SEC31B: variants seen among roughly 807,000 people sequenced by gnomAD.
SEC31B encodes SEC31 homolog B, COPII component.
Under a neutral mutation model 135.0 loss-of-function variants are expected in SEC31B, and 113 were observed. The ratio of observed to expected loss-of-function variants is 0.84; its 90% CI spans 0.72 to 0.98. The LOEUF (loss-of-function observed/expected upper bound fraction) is 0.98. Ranked by LOEUF, SEC31B falls within the 50% of genes least tolerant of loss-of-function variation. The pLI is 0.00. For missense variants in SEC31B, 1,296 were observed against 1,421.1 expected (o/e 0.91, Z 1.42); for synonymous variants, 508 against 549.4 (o/e 0.92, Z 1.05).
At chr10:100,493,525 T>A (rs72838538) in intron 19 of SEC31B, among the ~76,000 whole-genome samples, 4,291 of 152,290 alleles carry the variant, frequency 0.028, 129 homozygotes, top group Non-Finnish European at 0.04. Flanking sequence ...GGATACATAT[T>A]GCCATGATTC....
In SEC31B at chr10:100,499,518, G is replaced by A. The variant is rs1232978644; in HGVS notation, c.1485+6C>T. On this transcript the variant is annotated splice_donor_region_variant and intron_variant, in intron 12 of 25. Coordinates refer to ENST00000370345, the MANE Select transcript of SEC31B (RefSeq NM_015490.4). ...GTACATGTTTCTGATGTGAAAAGCA[G>A]CTTACCTTCTTCTGAAGCTCATCTT... 4 of 1,601,288 alleles carry A rather than the reference G, an allele frequency of 2.5e-6. No homozygotes were observed. The highest frequency in any genetic ancestry group is 3.4e-6 in the Non-Finnish European group (4 of 1,173,328).
chr10:100,490,302 A>C lies in SEC31B; in HGVS notation c.2671T>G (p.Leu891Val), dbSNP rs1851277019. ...GGAACTTGCACCCTTTGCCCTCCTA[A>C]TAGCTGTGGCTGAGATGAAGCTGAA... is the stretch of plus-strand genomic sequence containing the variant. ...VRPASSQPQL[L>V]GGQRVQVPNP... The change falls in exon 21 of 26, where the codon TTA becomes GTA. Residue 891 changes from leucine to valine, a missense_variant. By Grantham distance (32) the Leu-to-Val change is conservative (BLOSUM62 1). Coordinates refer to ENST00000370345, the MANE Select transcript of SEC31B (RefSeq NM_015490.4). 1.9e-6 allele frequency: 3 copies of C among 1,613,346 alleles called. No homozygotes were observed. Among genetic ancestry groups the C allele is most frequent in the Non-Finnish European group, 2.5e-6 (3 of 1,179,700 alleles).
chr10:100,519,605 T>C (rs2133703850), intron 1 of SEC31B, among the ~76,000 whole-genome samples, 177 bp downstream of exon 1: 1 of 152,292 alleles, frequency 6.6e-6, no homozygotes. Context: ...CGGATCCAAT[T>C]CAAGGGTAGA....
At position 100,497,783 on chromosome 10, in the gene SEC31B, C is replaced by T; in HGVS notation, c.1874G>A (p.Cys625Tyr). Residue 625 changes from cysteine (C) to tyrosine (Y), a missense_variant, in exon 16 of 26, where the codon TGT becomes TAT. Cys to Tyr is a radical substitution (Grantham distance 194). Coordinates refer to ENST00000370345, the MANE Select transcript of SEC31B (RefSeq NM_015490.4). ...ATCCTTCCAATTCTTTTGCACAACA[C>T]AGGCTAGAAGCTGTAATGGGCAGAG... is the stretch of plus-strand genomic sequence containing the variant. ...KKTKISSLLACVVQKNWKDVV... is the reference protein window; with the variant it reads ...KKTKISSLLAYVVQKNWKDVV... 7 of 1,614,214 alleles carry T rather than the reference C, an allele frequency of 4.3e-6. No individual in the cohort carries two copies. Among genetic ancestry groups the T allele is most frequent in the Non-Finnish European group, 5.9e-6 (7 of 1,180,040 alleles).
chr10:100,499,028 T>G, intron 13 of SEC31B, 132 bp downstream of exon 13: 1 of 748,292 alleles, frequency 1.3e-6, no homozygotes, highest in Admixed American at 2.3e-5. Flanking sequence ...TCTAAGAGAG[T>G]GAGGAGTCTG....
intron 11 of SEC31B, chr10:100,500,202 G>A: frequency 2.2e-6 from 1 of 456,610 alleles, no homozygotes; most frequent in Non-Finnish European, 4.4e-6. Context: ...TGCTGAAAGG[G>A]CTCCCACAGA....
intron 3 of SEC31B, among the ~76,000 whole-genome samples, chr10:100,514,657 T>C (rs1467970070): frequency 6.6e-6 from 1 of 151,986 alleles, no homozygotes; most frequent in Non-Finnish European, 1.5e-5. Flanking sequence ...GAAGTTAAAC[T>C]ATGAAAAGAA....
At chr10:100,505,699 T>G in intron 9 of SEC31B, 1 of 1,417,520 alleles carries the variant, frequency 7.1e-7, no homozygotes, top group Non-Finnish European at 9.2e-7. Flanking sequence ...GACTACTACA[T>G]TCAAAGTCTA....
Position 100,505,445 on chromosome 10 carries a change from T to C in SEC31B, c.1095A>G (p.Pro365=). The change falls in exon 10 of 26, where the codon CCA becomes CCG. Residue 365 remains proline, a synonymous_variant. Coordinates refer to ENST00000370345, the MANE Select transcript of SEC31B (RefSeq NM_015490.4). ...TCAGTGGTGCTTGTGCCACTTGCTCTGGCACCTGCAGTGGTGGGAGAGGCT... is the reference window on the plus strand; with the variant it reads ...TCAGTGGTGCTTGTGCCACTTGCTCCGGCACCTGCAGTGGTGGGAGAGGCT... ...KGQPLPPLQV[P]EQVAQAPLIP... 1 of 1,596,348 alleles carries C rather than the reference T, an allele frequency of 6.3e-7. No homozygotes were observed.
Position 100,495,417 on chromosome 10 carries a change from A to G in SEC31B, c.2440T>C (p.Ser814Pro), listed in dbSNP as rs765595889. 6.2e-7 allele frequency: 1 copy of G among 1,614,018 alleles called. No homozygotes were observed. The highest frequency in any genetic ancestry group is 1.7e-5 in the Admixed American group (1 of 59,998). Residue 814 changes from serine to proline, a missense_variant, in exon 19 of 26, where the codon TCT becomes CCT. Transcript: ENST00000370345. ...GATLHSKETS[S>P]YRLGSQPSHQ... ...GAAGGCTGGGATCCCAATCTGTAAG[A>G]TGATGTCTCTTTAGAGTGGAGGGTA...
rs1851576653 is a variant in SEC31B, at chr10:100,503,919, C to T, written c.1180-1435G>A. Among the ~76,000 whole-genome samples, 4 of 152,234 alleles carry T rather than the reference C, an allele frequency of 2.6e-5. No homozygotes were observed. The South Asian group carries it at 8.3e-4, about 32-fold the overall frequency. ...CCATTTCTTTTCCCAATATCCACCT[C>T]CTAATGAACTCTCCCAGTCAGAATT... On this transcript the variant is annotated intron_variant, in intron 10 of 25. Coordinates refer to ENST00000370345, the MANE Select transcript of SEC31B (RefSeq NM_015490.4).
Position 100,499,519 on chromosome 10 carries a change from C to T in SEC31B, c.1485+5G>A. The T allele has an allele frequency of 1.9e-6, 3 of 1,604,774 alleles. No homozygotes were observed. The highest frequency in any genetic ancestry group is 2.6e-6 in the Non-Finnish European group (3 of 1,175,298). On this transcript the variant is annotated splice_donor_5th_base_variant and intron_variant, in intron 12 of 25. Transcript: ENST00000370345. ...TACATGTTTCTGATGTGAAAAGCAG[C>T]TTACCTTCTTCTGAAGCTCATCTTT...
At chr10:100,516,697 G>A (rs1851857126) in intron 2 of SEC31B, among the ~76,000 whole-genome samples, 177 bp downstream of exon 2, 1 of 144,876 alleles carries the variant, frequency 6.9e-6, no homozygotes, top group Admixed American at 6.9e-5. Context: ...TTGAGCCATA[G>A]TCCTAGGCAG....
rs796750131 is a variant in SEC31B, at chr10:100,515,210, T to G, written c.203+886A>C. ...AGGGGGCTGAGGCGGGAGGATTGCT[T>G]GAGCCCAGGAGGTGGAGGTTGCAGT... On this transcript the variant is annotated intron_variant, in intron 3 of 25. Transcript: ENST00000370345. Among the ~76,000 whole-genome samples, 13 of 152,254 alleles carry G rather than the reference T, an allele frequency of 8.5e-5. No homozygotes were observed. In the South Asian group the frequency reaches 2.7e-3, roughly 32 times the overall value.
In SEC31B at chr10:100,490,227, G is replaced by C. The variant is rs368613786; in HGVS notation, c.2746C>G (p.Pro916Ala). 11 of 1,613,398 alleles carry C rather than the reference G, an allele frequency of 6.8e-6. No individual in the cohort carries two copies. In the African/African-American group the frequency reaches 1.2e-4, roughly 18 times the overall value. ...CGCATGATGCCTGGGCATGCCATGGGTAGAGGGGAACCAGGAAGAGGCCAT... is the reference window on the plus strand; with the variant it reads ...CGCATGATGCCTGGGCATGCCATGGCTAGAGGGGAACCAGGAAGAGGCCAT... ...GTWPLPGSPL[P>A]MACPGIMRPG... The change falls in exon 21 of 26, where the codon CCC (proline) becomes GCC (alanine). Residue 916 changes from proline (P) to alanine (A), a missense_variant. Transcript: ENST00000370345.
At position 100,516,088 on chromosome 10, in the gene SEC31B, G is replaced by C; in HGVS notation, c.203+8C>G. ...ACCCTGTATACCCATCAATAGATCA[G>C]ACAATACCTGCTCAAGGCAGAAAGG... On this transcript the variant is annotated splice_region_variant and intron_variant, in intron 3 of 25. Transcript: ENST00000370345. 1 of 1,614,064 alleles carries C rather than the reference G, an allele frequency of 6.2e-7. No individual in the cohort carries two copies. The highest frequency in any genetic ancestry group is 8.5e-7 in the Non-Finnish European group (1 of 1,179,956).
In SEC31B at chr10:100,487,732, C is replaced by G. The variant is rs1449624767; in HGVS notation, c.3424G>C (p.Glu1142Gln). 3 of 1,614,046 alleles carry G rather than the reference C, an allele frequency of 1.9e-6. No homozygotes were observed. The highest frequency in any genetic ancestry group is 2.5e-6 in the Non-Finnish European group (3 of 1,179,978). The change falls in exon 26 of 26, where the codon GAG becomes CAG. Residue 1142 changes from glutamate (E) to glutamine (Q), a missense_variant. Glu to Gln is a conservative substitution (Grantham distance 29, BLOSUM62 2). Transcript: ENST00000370345. The part of the protein sequence containing the change: ...VARCVDAGSF[E>Q]QGLAVHAQVA... ...TGGGCATGCACTGCAAGGCCCTGCT[C>G]AAAGCTTCCTGCATCCACACATCGG... is the stretch of plus-strand genomic sequence containing the variant.
chr10:100,517,990 T>C (rs1189773082), intron 1 of SEC31B, among the ~76,000 whole-genome samples: 1 of 152,224 alleles, frequency 6.6e-6, no homozygotes, highest in Non-Finnish European at 1.5e-5. Context: ...GTATCATCTC[T>C]CACCTGGAGT....
rs545411963 is a variant in SEC31B at position 100,489,704 on chromosome 10, T to C, written c.3023A>G (p.Lys1008Arg). The stretch of plus-strand genomic sequence containing the variant: ...GTGGGTAGGGAAAGATGCATTGACC[T>C]TGTTCCTCTGGAGGTTTCCCCTGGG... ...PAPRGNLQRNKLPETFMPPAP... is the reference protein window; with the variant it reads ...PAPRGNLQRNRLPETFMPPAP... The change falls in exon 22 of 26, where the codon AAG becomes AGG. Residue 1008 changes from lysine (K) to arginine (R), a missense_variant and splice_region_variant. By Grantham distance (26) the Lys-to-Arg change is conservative. Transcript: ENST00000370345. The C allele has an allele frequency of 8.7e-6, 14 of 1,614,116 alleles. No individual in the cohort carries two copies. The highest frequency in any genetic ancestry group is 1.2e-5 in the Non-Finnish European group (14 of 1,180,016).
Sources: gnomAD v4.1 joint callset for allele counts (sites outside exome capture counted in the v4.1 genomes callset) on GRCh38, gnomAD v4.1.1 for gene constraint, MANE v1.5 for transcripts, NCBI Gene and HGNC (gene_info 2026-07-23, HGNC 2026-07-21) for gene names.